The following KIAA0319L variants were observed in gnomAD, a reference collection of about 807,000 sequenced individuals.
KIAA0319L encodes dyslexia-associated protein KIAA0319-like protein.
A neutral mutation model predicts 120.1 loss-of-function variants in KIAA0319L; 55 were observed. That is an observed-to-expected ratio of 0.46 (90% confidence interval 0.37 to 0.57). The LOEUF is 0.57. KIAA0319L is among the 20% of genes least tolerant of loss of function. KIAA0319L has a pLI of 0.00. For synonymous variants in KIAA0319L, 398 were observed against 471.9 expected, an observed-to-expected ratio of 0.84 and a Z score of 2.03; for missense variants, 1,049 against 1,255.3, an observed-to-expected ratio of 0.84 and a Z score of 2.48.
chr1:35,451,024 T>G, intron 13 of KIAA0319L, among the ~76,000 whole-genome samples: 1 of 152,266 alleles, frequency 6.6e-6, no homozygotes, highest in East Asian at 1.9e-4. Flanking sequence ...CAGATGTCTG[T>G]GCAGTATTTA....
intron 2 of KIAA0319L, among the ~76,000 whole-genome samples, chr1:35,532,497 ATAGT>A (rs1020280231): frequency 1.3e-5 from 2 of 152,198 alleles, no homozygotes; most frequent in Admixed American, 1.3e-4. Flanking sequence ...CATTTACCAG[ATAGT>A]TAACCTTTGA....
rs377235299 is a variant in KIAA0319L at position 35,521,419 on chromosome 1, G to C, written c.143-14284C>G. ...GGAGGCCAAGATGGGGAGAACATGA[G>C]GTCAGGAGATCTAAACCATCCTGGC... On this transcript the variant is annotated intron_variant, in intron 2 of 20. Transcript: ENST00000325722. 2.0e-5 allele frequency among the ~76,000 whole-genome samples: 3 copies of C among 152,054 alleles called. No homozygotes were observed. The East Asian group carries it at 5.8e-4, about 29-fold the overall frequency.
intron 2 of KIAA0319L, among the ~76,000 whole-genome samples, chr1:35,550,464 A>G (rs900134567): frequency 6.6e-6 from 1 of 152,236 alleles, no homozygotes; most frequent in African/African-American, 2.4e-5. Flanking sequence ...TGCTTTTTCA[A>G]GTAGGTTGTT....
At chr1:35,489,217 CA>C (rs1644500604) in intron 3 of KIAA0319L, among the ~76,000 whole-genome samples, 1 of 150,782 alleles carries the variant, frequency 6.6e-6, no homozygotes, top group African/African-American at 2.4e-5. Context: ...AAAAACAAAA[CA>C]AAAACAAAAA....
In KIAA0319L at chr1:35,506,674, G is replaced by C. The variant is rs778859579; in HGVS notation, c.604C>G (p.Gln202Glu). Residue 202 changes from glutamine (Q) to glutamate (E), a missense_variant, in exon 3 of 21, where the codon CAG becomes GAG. Transcript: ENST00000325722. The surrounding 1 kb of genome is among the most constrained non-coding windows in gnomAD (Gnocchi z 4.0). ...PSDVVTPIVT[Q>E]HSKVNDSNEL... ...TTGGAGTCATTCACTTTAGAATGCT[G>C]TGTCACTATAGGTGTAACTACGTCA... The C allele has an allele frequency of 6.2e-7, 1 of 1,614,144 alleles. No individual in the cohort carries two copies. Among genetic ancestry groups the C allele is most frequent in the South Asian group, 1.1e-5 (1 of 91,080 alleles).
In KIAA0319L at chr1:35,448,261, C is replaced by T. The variant is rs1641788660; in HGVS notation, c.2425G>A (p.Gly809Arg). The change falls in exon 16 of 21, where the codon GGG becomes AGG. Residue 809 changes from glycine (G) to arginine (R), a missense_variant. Coordinates refer to ENST00000325722, the MANE Select transcript of KIAA0319L (RefSeq NM_024874.5). ...NVSQLTERLK[G>R]MFIRQIGVLL... Reference sequence around the variant, plus strand: ...ACCCCAATCTGGCGGATGAACATCCCCTTCAGCCTCTCAGTTAGCTGACTG... The same window carrying T: ...ACCCCAATCTGGCGGATGAACATCCTCTTCAGCCTCTCAGTTAGCTGACTG... The T allele has an allele frequency of 6.2e-7, 1 of 1,614,072 alleles. No individual in the cohort carries two copies. The highest frequency in any genetic ancestry group is 8.5e-7 in the Non-Finnish European group (1 of 1,179,950).
At chr1:35,435,169 G>A (rs1467682370) in intron 20 of KIAA0319L, 88 bp from the exon 21 acceptor site, 3 of 1,205,976 alleles carry the variant, frequency 2.5e-6, no homozygotes, top group African/African-American at 1.5e-5. Flanking sequence ...GAGGAGCCAA[G>A]GAACAGGGCA....
In KIAA0319L at chr1:35,437,898, G is replaced by A. The variant is rs573493115; in HGVS notation, c.2963-2817C>T. Among the ~76,000 whole-genome samples, 1 of 152,214 alleles carries A rather than the reference G, an allele frequency of 6.6e-6. No individual in the cohort carries two copies. The highest frequency in any genetic ancestry group is 2.1e-4 in the South Asian group (1 of 4,804). On this transcript the variant is annotated intron_variant, in intron 20 of 20. Coordinates refer to ENST00000325722, the MANE Select transcript of KIAA0319L (RefSeq NM_024874.5). This position sits in a 1 kb window ranked among gnomAD's most constrained non-coding sequence, Gnocchi z 4.1. ...ACCCAGTCACTGCATCAGAGGTTCTGATTCTGTCAACAGCACTATCATTCT... is the reference window on the plus strand; with the variant it reads ...ACCCAGTCACTGCATCAGAGGTTCTAATTCTGTCAACAGCACTATCATTCT...
intron 3 of KIAA0319L, among the ~76,000 whole-genome samples, chr1:35,488,595 C>T (rs1431311510): frequency 6.6e-6 from 1 of 152,006 alleles, no homozygotes. Flanking sequence ...ACAGGAAGAA[C>T]ATGTAAATAA....
chr1:35,455,428 C>G (rs555426505), intron 10 of KIAA0319L, among the ~76,000 whole-genome samples: 18 of 152,244 alleles, frequency 1.2e-4, no homozygotes, highest in Admixed American at 1.1e-3. Context: ...AGAAGATACT[C>G]ACCATCTAGC....
In KIAA0319L at chr1:35,468,096, T is replaced by G. The variant is rs369381489; in HGVS notation, c.1114-1401A>C. ...GTTCGATACTTGGGTTGTTTCCAAA[T>G]TTTTACTATTATGACTAATGCTGTA... On this transcript the variant is annotated intron_variant, in intron 6 of 20. Transcript: ENST00000325722. Among the ~76,000 whole-genome samples, 10 of 152,356 alleles carry G rather than the reference T, an allele frequency of 6.6e-5. No individual in the cohort carries two copies. The East Asian group carries it at 1.9e-3, about 29-fold the overall frequency.
At chr1:35,463,387 CAACA>C (rs1476298910) in intron 7 of KIAA0319L, among the ~76,000 whole-genome samples, 1 of 152,154 alleles carries the variant, frequency 6.6e-6, no homozygotes, top group Admixed American at 6.5e-5. Flanking sequence ...TAGAAGCAGA[CAACA>C]AACAAGCTGT....
chr1:35,528,368 C>CT (rs1404508574), intron 2 of KIAA0319L, among the ~76,000 whole-genome samples: 1 of 152,172 alleles, frequency 6.6e-6, no homozygotes, highest in African/African-American at 2.4e-5. Context: ...TTTATCTCTT[C>CT]TTTTTTCATT....
Position 35,506,653 on chromosome 1 carries a change from A to G in KIAA0319L, c.625T>C (p.Ser209Pro), listed in dbSNP as rs780209166. 6.2e-7 allele frequency: 1 copy of G among 1,614,148 alleles called. No homozygotes were observed. The highest frequency in any genetic ancestry group is 8.5e-7 in the Non-Finnish European group (1 of 1,179,994). Residue 209 changes from serine (S) to proline (P), a missense_variant, in exon 3 of 21, where the codon TCC becomes CCC. Ser to Pro is a moderately conservative substitution (Grantham distance 74). Coordinates refer to ENST00000325722, the MANE Select transcript of KIAA0319L (RefSeq NM_024874.5). The surrounding 1 kb of genome is among the most constrained non-coding windows in gnomAD (Gnocchi z 4.0). Reference sequence around the variant, plus strand: ...GTAGTCAGACCACCTAATTCGTTGGAGTCATTCACTTTAGAATGCTGTGTC... The same window carrying G: ...GTAGTCAGACCACCTAATTCGTTGGGGTCATTCACTTTAGAATGCTGTGTC... ...IVTQHSKVND[S>P]NELGGLTTSG...
chr1:35,459,534 T>C (rs924767857), intron 9 of KIAA0319L, among the ~76,000 whole-genome samples: 1 of 151,766 alleles, frequency 6.6e-6, no homozygotes, highest in African/African-American at 2.4e-5. Context: ...GAGGCAGAGC[T>C]TGCAGTGAGC....
intron 3 of KIAA0319L, among the ~76,000 whole-genome samples, chr1:35,495,756 A>T (rs1386354117): frequency 2.0e-5 from 3 of 151,712 alleles, no homozygotes; most frequent in Non-Finnish European, 4.4e-5. Flanking sequence ...AGGCTCAAGC[A>T]ATTCTCCTGC....
chr1:35,494,510 T>A lies in KIAA0319L; in HGVS notation c.666+12102A>T, dbSNP rs527792156. Among the ~76,000 whole-genome samples, 444 of 151,584 alleles carry A rather than the reference T, an allele frequency of 2.9e-3. 2 individuals carry two copies. Among genetic ancestry groups the A allele is most frequent in the African/African-American group, 0.01 (426 of 41,332 alleles). On this transcript the variant is annotated intron_variant, in intron 3 of 20. Coordinates refer to ENST00000325722, the MANE Select transcript of KIAA0319L (RefSeq NM_024874.5). ...ATAAACATATATTACAAAGCTAGAGTTAGGCCGGGTGTGGTGGCTCACGCC... is the reference window on the plus strand; with the variant it reads ...ATAAACATATATTACAAAGCTAGAGATAGGCCGGGTGTGGTGGCTCACGCC...
intron 10 of KIAA0319L, among the ~76,000 whole-genome samples, chr1:35,455,573 ATTTTT>A (rs551358599): frequency 1.2e-4 from 11 of 93,468 alleles, no homozygotes; most frequent in African/African-American, 4.5e-4. Flanking sequence ...ATTTAAGATA[ATTTTT>A]TTTTTTTTTT....
At chr1:35,480,168 T>C (rs1417140167) in intron 3 of KIAA0319L, among the ~76,000 whole-genome samples, 1 of 151,944 alleles carries the variant, frequency 6.6e-6, no homozygotes, top group Admixed American at 6.6e-5. Context: ...AAAAATGAAA[T>C]TAACATGGTC....
Sources: allele counts gnomAD v4.1 joint callset (sites outside exome capture counted in the v4.1 genomes callset), GRCh38; gene constraint gnomAD v4.1.1; non-coding constraint Gnocchi (gnomAD v3.1); transcripts MANE v1.5; gene names NCBI Gene and HGNC (gene_info 2026-07-23, HGNC 2026-07-21).